Variants in FNDC3A observed in about 807,000 individuals in gnomAD.
The protein encoded by FNDC3A is fibronectin type III domain containing 3A.
Under a neutral mutation model 148.9 loss-of-function variants are expected in FNDC3A, and 32 were observed. That is an observed-to-expected ratio of 0.21 (90% CI 0.16 to 0.29). The LOEUF (loss-of-function observed/expected upper bound fraction) is 0.29. Ranked by LOEUF, FNDC3A falls within the 10% of genes least tolerant of loss-of-function variation. The pLI is 1.00. For missense variants in FNDC3A, 1,191 were observed against 1,452.8 expected, an observed-to-expected ratio of 0.82 and a Z score of 2.93; for synonymous variants, 472 against 473.6, an observed-to-expected ratio of 1.00 and a Z score of 0.04.
intron 23 of FNDC3A, 34 bp from the exon 24 acceptor site, chr13:49,201,766 T>A: frequency 9.1e-7 from 1 of 1,103,350 alleles, no homozygotes; most frequent in South Asian, 2.0e-5. Flanking sequence ...CATAAGGTAG[T>A]ATAAGGTTTA....
At chr13:49,192,195 A>G (rs1320511417) in intron 19 of FNDC3A, among the ~76,000 whole-genome samples, 1 of 152,232 alleles carries the variant, frequency 6.6e-6, no homozygotes, top group African/African-American at 2.4e-5. Flanking sequence ...TTAAACTGAC[A>G]GTTCTCTCCT....
chr13:49,202,292 T>C (rs1429387764), intron 24 of FNDC3A, among the ~76,000 whole-genome samples: 2 of 152,248 alleles, frequency 1.3e-5, no homozygotes, highest in Admixed American at 1.3e-4. Context: ...TCTGGTTGTT[T>C]AAACGTTTTG....
intron 2 of FNDC3A, among the ~76,000 whole-genome samples, chr13:49,052,550 A>G (rs1875917483): frequency 6.6e-6 from 1 of 152,180 alleles, no homozygotes; most frequent in South Asian, 2.1e-4. Context: ...GCAGCTGTGG[A>G]TACCAGCACC....
intron 8 of FNDC3A, among the ~76,000 whole-genome samples, chr13:49,159,941 A>G (rs1462167955): frequency 6.6e-6 from 1 of 152,220 alleles, no homozygotes; most frequent in Non-Finnish European, 1.5e-5. Flanking sequence ...CATACGTTGA[A>G]CAAGCCTTGC....
chr13:49,174,162 G>A (rs556433742), intron 11 of FNDC3A, among the ~76,000 whole-genome samples: 2 of 151,902 alleles, frequency 1.3e-5, no homozygotes, highest in African/African-American at 4.9e-5. Context: ...GTCCATACCT[G>A]CAGAGTTTCC....
intron 3 of FNDC3A, among the ~76,000 whole-genome samples, chr13:49,102,076 A>G (rs1879893975): frequency 1.3e-5 from 2 of 151,930 alleles, no homozygotes; most frequent in African/African-American, 4.8e-5. Context: ...GGGCTTAAGC[A>G]TTCCTCCCAC....
At chr13:49,166,406 CAT>C (rs1337983879) in intron 8 of FNDC3A, among the ~76,000 whole-genome samples, 1 of 152,124 alleles carries the variant, frequency 6.6e-6, no homozygotes. Flanking sequence ...GGGCTCCAGA[CAT>C]GTGGAGATGT....
chr13:49,128,019 C>CT (rs1034480657), intron 4 of FNDC3A, among the ~76,000 whole-genome samples: 1 of 152,096 alleles, frequency 6.6e-6, no homozygotes, highest in African/African-American at 2.4e-5. Context: ...GCAGCTGGGA[C>CT]TACAGGTGCG....
At chr13:49,003,088 C>T (rs1952155421) in intron 1 of FNDC3A, among the ~76,000 whole-genome samples, 1 of 152,060 alleles carries the variant, frequency 6.6e-6, no homozygotes, top group African/African-American at 2.4e-5. Flanking sequence ...ATTTTCGAGA[C>T]AGAGTCTCGC....
chr13:49,026,123 A>C (rs1873694610), intron 2 of FNDC3A, among the ~76,000 whole-genome samples: 1 of 152,184 alleles, frequency 6.6e-6, no homozygotes, highest in Non-Finnish European at 1.5e-5. Flanking sequence ...ACTATGGATA[A>C]ATCTCAAAAA....
chr13:49,010,914 G>A (rs1952328822), intron 2 of FNDC3A, among the ~76,000 whole-genome samples: 2 of 152,024 alleles, frequency 1.3e-5, no homozygotes, highest in Non-Finnish European at 2.9e-5. Context: ...CTATTCTTTT[G>A]TGACTTGCTG....
chr13:48,980,004 C>T (rs1335637933), intron 1 of FNDC3A, among the ~76,000 whole-genome samples: 1 of 151,858 alleles, frequency 6.6e-6, no homozygotes, highest in Non-Finnish European at 1.5e-5. Flanking sequence ...CTTGCATCAT[C>T]TTGTCTATAT....
chr13:49,105,350 T>G (rs571753690), intron 3 of FNDC3A, among the ~76,000 whole-genome samples: 8 of 152,280 alleles, frequency 5.3e-5, no homozygotes, highest in Non-Finnish European at 1.0e-4. Flanking sequence ...GTACATACCT[T>G]AAAGAAACAT....
intron 3 of FNDC3A, among the ~76,000 whole-genome samples, chr13:49,089,598 TG>T (rs979317777): frequency 3.9e-5 from 6 of 152,308 alleles, no homozygotes; most frequent in Non-Finnish European, 8.8e-5. Context: ...GAAATGTGGG[TG>T]GGCTCTGGGA....
At chr13:49,162,636 C>G (rs1884214902) in intron 8 of FNDC3A, among the ~76,000 whole-genome samples, 1 of 152,158 alleles carries the variant, frequency 6.6e-6, no homozygotes, top group South Asian at 2.1e-4. Context: ...ATTCTCCGTC[C>G]TGTTTTGTTC....
intron 2 of FNDC3A, among the ~76,000 whole-genome samples, chr13:49,040,029 T>G (rs1164971578): frequency 6.6e-6 from 1 of 152,226 alleles, no homozygotes; most frequent in Non-Finnish European, 1.5e-5. Flanking sequence ...TTTTTTAATG[T>G]GACAGTTTTG....
intron 3 of FNDC3A, among the ~76,000 whole-genome samples, chr13:49,084,352 T>G: frequency 1.3e-5 from 2 of 152,330 alleles, no homozygotes; most frequent in Middle Eastern, 3.4e-3. Context: ...TAAAATATTT[T>G]TATTTGTGTA....
Position 49,069,689 on chromosome 13 carries a change from G to A in FNDC3A, c.100-5600G>A, listed in dbSNP as rs569398948. 3.7e-4 allele frequency among the ~76,000 whole-genome samples: 57 copies of A among 152,266 alleles called. No individual in the cohort carries two copies. The South Asian group carries it at 3.9e-3, about 11-fold the overall frequency. On this transcript the variant is annotated intron_variant, in intron 2 of 25. Coordinates refer to ENST00000492622, the MANE Select transcript of FNDC3A (RefSeq NM_001079673.2). ...TAATTTACATACTCAATCTTCAGTG[G>A]TTTGATAGCATTTTACTGCCCCTAT...
At chr13:49,011,502 G>A (rs1346045121) in intron 2 of FNDC3A, among the ~76,000 whole-genome samples, 1 of 152,112 alleles carries the variant, frequency 6.6e-6, no homozygotes, top group African/African-American at 2.4e-5. Flanking sequence ...CCAAAGTGCT[G>A]GGATTACATG....
Sources: allele counts gnomAD v4.1 joint callset (sites outside exome capture counted in the v4.1 genomes callset), GRCh38; gene constraint gnomAD v4.1.1; transcripts MANE v1.5; gene names NCBI Gene and HGNC (gene_info 2026-07-23, HGNC 2026-07-21).